Variants in GRIN2D observed in about 807,000 individuals in gnomAD.
GRIN2D encodes the protein glutamate receptor ionotropic, NMDA 2D.
In GRIN2D, 37 loss-of-function variants were observed where a neutral mutation model predicts 103.2. The ratio of observed to expected loss-of-function variants is 0.36; its 90% confidence interval spans 0.28 to 0.47. The LOEUF is 0.47. Among genes scored for constraint, GRIN2D ranks in the 20% least tolerant of loss-of-function variants. The probability of loss-of-function intolerance (pLI) is 1.00; values close to 1 mark genes in which losing one functional copy is unlikely to be tolerated. For missense variants in GRIN2D, 1,557 were observed against 1,910.6 expected, an observed-to-expected ratio of 0.81 and a Z score of 3.45; for synonymous variants, 845 against 885.6, an observed-to-expected ratio of 0.95 and a Z score of 0.81.
At chr19:48,428,848 T>TA (rs1286116982) in intron 11 of GRIN2D, among the ~76,000 whole-genome samples, 34 of 152,218 alleles carry the variant, frequency 2.2e-4, no homozygotes, top group Admixed American at 3.3e-4. Flanking sequence ...TAAGACCTCA[T>TA]AAAAAATCTT....
rs940861761 is a variant in GRIN2D, at chr19:48,394,104, C to T, written c.-306+236C>T. Among the ~76,000 whole-genome samples, 1 of 152,092 alleles carries T rather than the reference C, an allele frequency of 6.6e-6. No homozygotes were observed. Among genetic ancestry groups the T allele is most frequent in the Admixed American group, 6.5e-5 (1 of 15,276 alleles). The stretch of plus-strand genomic sequence containing the variant: ...GTCCGGCCAGGCGTCTGGGCGTCCC[C>T]GGCTGCCTGTGTCCTCCTGTCTGTC... On this transcript the variant is annotated intron_variant, in intron 1 of 13. Coordinates refer to ENST00000263269, the MANE Select transcript of GRIN2D (RefSeq NM_000836.4). The surrounding 1 kb of genome is among the most constrained non-coding windows in gnomAD (Gnocchi z 5.1).
chr19:48,419,508 GTTCT>G (rs1970990203), intron 9 of GRIN2D, 73 bp from the exon 10 acceptor site: 9 of 1,358,070 alleles, frequency 6.6e-6, no homozygotes, highest in Admixed American at 4.3e-5. Context: ...GGGAATTGTA[GTTCT>G]TTCTTTTTTT....
intron 11 of GRIN2D, among the ~76,000 whole-genome samples, chr19:48,431,269 G>A (rs141899722): frequency 1.3e-5 from 2 of 152,236 alleles, no homozygotes; most frequent in African/African-American, 4.8e-5. Flanking sequence ...CTCTTTCTGG[G>A]TTTTGCTTCC....
At chr19:48,411,502 A>G (rs1266584327) in intron 4 of GRIN2D, among the ~76,000 whole-genome samples, 1 of 151,780 alleles carries the variant, frequency 6.6e-6, no homozygotes, top group Admixed American at 6.6e-5. Context: ...ATACAAAATT[A>G]GGCAGGCGCG....
chr19:48,398,953 G>A, intron 3 of GRIN2D, 96 bp downstream of exon 3: 1 of 1,077,342 alleles, frequency 9.3e-7, no homozygotes, highest in Non-Finnish European at 1.2e-6. Context: ...GGCCTAGAGG[G>A]GGCGGGGACT....
rs946237931 is a variant in GRIN2D at position 48,414,676 on chromosome 19, C to G, written c.1412+92C>G. ...CCCCCAGCCCCCTCCTCCCTTGGGA[C>G]CCAGGACCCACAAAGCCCTCCAGCT... On this transcript the variant is annotated intron_variant, in intron 6 of 13. Transcript: ENST00000263269. This position sits in a 1 kb window ranked among gnomAD's most constrained non-coding sequence, Gnocchi z 4.6. 3 of 1,315,502 alleles carry G rather than the reference C, an allele frequency of 2.3e-6. No homozygotes were observed. 81.5% of individuals were successfully genotyped at this position (1,315,502 alleles called of 1,614,324 possible).
At chr19:48,440,628 G>A (rs1971279776) in intron 11 of GRIN2D, among the ~76,000 whole-genome samples, 1 of 152,030 alleles carries the variant, frequency 6.6e-6, no homozygotes, top group East Asian at 1.9e-4. Flanking sequence ...AGACTAGATA[G>A]AACAATGCTT....
rs756483997 is a variant in GRIN2D, at chr19:48,419,268, C to T, written c.1770C>T (p.Phe590=). 1.2e-6 allele frequency: 2 copies of T among 1,611,230 alleles called. No individual in the cohort carries two copies. The highest frequency in any genetic ancestry group is 4.5e-5 in the East Asian group (2 of 44,838). Residue 590 remains phenylalanine (F), a synonymous_variant, in exon 9 of 14, where the codon TTC becomes TTT. Coordinates refer to ENST00000263269, the MANE Select transcript of GRIN2D (RefSeq NM_000836.4). ...GCCCCGCCGTGTGGGTGATGATGTTCGTCATGTGCCTCACTGTGGTCGCCG... is the reference window on the plus strand; with the variant it reads ...GCCCCGCCGTGTGGGTGATGATGTTTGTCATGTGCCTCACTGTGGTCGCCG... The part of the protein sequence containing the change: ...PYSPAVWVMM[F]VMCLTVVAVT...
intron 11 of GRIN2D, among the ~76,000 whole-genome samples, chr19:48,441,399 A>G (rs557270382): frequency 1.3e-3 from 198 of 150,862 alleles, no homozygotes; most frequent in Non-Finnish European, 2.2e-3. Context: ...AGAAAAAGTC[A>G]CAGTTAACAC....
Position 48,402,545 on chromosome 19 carries a change from G to A in GRIN2D, c.466-2189G>A, listed in dbSNP as rs376563706. On this transcript the variant is annotated intron_variant, in intron 3 of 13. Coordinates refer to ENST00000263269, the MANE Select transcript of GRIN2D (RefSeq NM_000836.4). ...ATCCTGGCTAACAAGGTGAAACCCCGTCTCTACTAAAAATACAAAAAATTA... is the reference window on the plus strand; with the variant it reads ...ATCCTGGCTAACAAGGTGAAACCCCATCTCTACTAAAAATACAAAAAATTA... Among the ~76,000 whole-genome samples, 14 of 151,400 alleles carry A rather than the reference G, an allele frequency of 9.2e-5. No individual in the cohort carries two copies. In the East Asian group the frequency reaches 2.6e-3, roughly 28 times the overall value.
chr19:48,439,084 T>A (rs1013001365), intron 11 of GRIN2D, among the ~76,000 whole-genome samples: 6 of 147,414 alleles, frequency 4.1e-5, no homozygotes, highest in Admixed American at 6.7e-5. Flanking sequence ...CCAGCCTAAC[T>A]TTTTAAAAAA....
chr19:48,400,768 A>G (rs928224521), intron 3 of GRIN2D, among the ~76,000 whole-genome samples: 3 of 152,128 alleles, frequency 2.0e-5, no homozygotes, highest in Admixed American at 1.3e-4. Flanking sequence ...TTGCATTACA[A>G]TAAGACCTCA....
rs1179302648 is a variant in GRIN2D at position 48,443,619 on chromosome 19, G to A, written c.3693G>A (p.Ser1231=). ...GGGCCCGCTGCGGGTGCCCGCGGTC[G>A]CACCCGCACCGCCCGCGGGCCTCGC... The part of the protein sequence containing the change: ...RRRARCGCPR[S]HPHRPRASHR... Residue 1231 remains serine, a synonymous_variant, in exon 14 of 14, where the codon TCG becomes TCA. Transcript: ENST00000263269. The surrounding 1 kb of genome is among the most constrained non-coding windows in gnomAD (Gnocchi z 8.9). The A allele has an allele frequency of 8.4e-6, 9 of 1,076,710 alleles. No homozygotes were observed. Among genetic ancestry groups the A allele is most frequent in the Non-Finnish European group, 1.0e-5 (9 of 891,838 alleles). The allele number at this position is 1,076,710 out of a possible 1,614,324, so 66.7% of individuals were successfully genotyped here. A position where few individuals can be genotyped will look rare whatever the true frequency, so the allele number is the denominator to read the frequency against.
intron 11 of GRIN2D, among the ~76,000 whole-genome samples, chr19:48,426,328 C>T (rs1971087908): frequency 6.7e-6 from 1 of 148,612 alleles, no homozygotes; most frequent in Non-Finnish European, 1.5e-5. Context: ...TGGGTTTGAG[C>T]GGTTCTCCTG....
chr19:48,428,849 A>T (rs916045637), intron 11 of GRIN2D, among the ~76,000 whole-genome samples: 1 of 152,070 alleles, frequency 6.6e-6, no homozygotes, highest in African/African-American at 2.4e-5. Context: ...AAGACCTCAT[A>T]AAAAATCTTA....
chr19:48,397,700 TCTCC>T (rs1368421909), intron 2 of GRIN2D, among the ~76,000 whole-genome samples: 1 of 151,744 alleles, frequency 6.6e-6, no homozygotes, highest in Non-Finnish European at 1.5e-5. Context: ...GTCCTCTCTC[TCTCC>T]GTCTTCTCCC....
At chr19:48,436,494 C>T (rs568966199) in intron 11 of GRIN2D, among the ~76,000 whole-genome samples, 1 of 152,126 alleles carries the variant, frequency 6.6e-6, no homozygotes, top group South Asian at 2.1e-4. Context: ...TGGCCCCTAA[C>T]CTTAATTTCT....
chr19:48,423,312 C>T (rs999955952), intron 11 of GRIN2D, among the ~76,000 whole-genome samples: 3 of 152,192 alleles, frequency 2.0e-5, no homozygotes, highest in Non-Finnish European at 4.4e-5. Context: ...CCTGCATTTA[C>T]TCAGTCCTTC....
At chr19:48,431,677 C>T (rs1971157402) in intron 11 of GRIN2D, among the ~76,000 whole-genome samples, 1 of 151,806 alleles carries the variant, frequency 6.6e-6, no homozygotes, top group Non-Finnish European at 1.5e-5. Context: ...CTCCACCTCC[C>T]AGGTACAAGC....
Sources: gnomAD v4.1 joint callset for allele counts (sites outside exome capture counted in the v4.1 genomes callset) on GRCh38, gnomAD v4.1.1 for gene constraint, Gnocchi (gnomAD v3.1) non-coding constraint, MANE v1.5 for transcripts, NCBI Gene and HGNC (gene_info 2026-07-23, HGNC 2026-07-21) for gene names.